UBASH3A: variants seen among roughly 807,000 people sequenced by gnomAD.
The protein encoded by UBASH3A is ubiquitin associated and SH3 domain containing A.
Under a neutral mutation model 73.5 loss-of-function variants are expected in UBASH3A, and 63 were observed. The ratio of observed to expected loss-of-function variants is 0.86; its 90% CI spans 0.70 to 1.06. The LOEUF is 1.06. UBASH3A is among the 50% of genes least tolerant of loss of function. The pLI is 0.00. For missense variants in UBASH3A, 860 were observed against 859.0 expected (o/e 1.00, Z -0.02); for synonymous variants, 363 against 351.1 (o/e 1.03, Z -0.38).
chr21:42,407,983 A>G (rs1476721253), intron 2 of UBASH3A, among the ~76,000 whole-genome samples: 1 of 152,260 alleles, frequency 6.6e-6, no homozygotes, highest in Non-Finnish European at 1.5e-5. Context: ...TTGAAAAGAC[A>G]TGGTAGAGGA....
chr21:42,420,638 A>T (rs1276766206), intron 7 of UBASH3A, among the ~76,000 whole-genome samples: 1 of 152,186 alleles, frequency 6.6e-6, no homozygotes, highest in African/African-American at 2.4e-5. Flanking sequence ...GAGCCTACTT[A>T]GGCTGAAAAC....
chr21:42,433,250 C>T lies in UBASH3A; in HGVS notation c.1270+1048C>T, dbSNP rs889821514. Among the ~76,000 whole-genome samples the T allele has an allele frequency of 3.3e-5, 5 of 152,310 alleles. No individual in the cohort carries two copies. The South Asian group carries it at 8.3e-4, about 25-fold the overall frequency. On this transcript the variant is annotated intron_variant, in intron 9 of 14. Transcript: ENST00000319294. ...AGGCCCTTGATAAAGTGAAGAATTA[C>T]ATCTAGTTTGTCTGAATTTTGTATA... is the stretch of plus-strand genomic sequence containing the variant.
intron 7 of UBASH3A, among the ~76,000 whole-genome samples, chr21:42,422,188 AT>A (rs1384732730): frequency 9.2e-5 from 14 of 152,332 alleles, no homozygotes; most frequent in African/African-American, 3.4e-4. Context: ...TCTTGAGGCC[AT>A]TTAACTTCTT....
rs115006049 is a variant in UBASH3A at position 42,440,524 on chromosome 21, G to A, written c.1487-1928G>A. 9.5e-4 allele frequency among the ~76,000 whole-genome samples: 145 copies of A among 152,294 alleles called. 1 individual carries two copies. Among genetic ancestry groups the A allele is most frequent in the African/African-American group, 2.9e-3 (122 of 41,558 alleles). ...TCAGTTTCCCCTCTTCTCCCCTGTCGCTGGTCTTTGCACCCCACCACTCAA... is the reference window on the plus strand; with the variant it reads ...TCAGTTTCCCCTCTTCTCCCCTGTCACTGGTCTTTGCACCCCACCACTCAA... On this transcript the variant is annotated intron_variant, in intron 11 of 14. Coordinates refer to ENST00000319294, the MANE Select transcript of UBASH3A (RefSeq NM_018961.4).
intron 3 of UBASH3A, among the ~76,000 whole-genome samples, chr21:42,411,828 A>G (rs1037911478): frequency 2.0e-5 from 3 of 152,250 alleles, no homozygotes; most frequent in Non-Finnish European, 2.9e-5. Flanking sequence ...ATCTGAGGCC[A>G]AGAAACACAA....
At chr21:42,417,419 C>CAAAAAAAAAA (rs71190423) in intron 6 of UBASH3A, 3 of 74,308 alleles carry the variant, frequency 4.0e-5, no homozygotes, top group African/African-American at 1.1e-4. Flanking sequence ...GCGAGACTGG[C>CAAAAAAAAAA]AAAAAAAAAA....
At chr21:42,440,993 G>A (rs1048357410) in intron 11 of UBASH3A, among the ~76,000 whole-genome samples, 1 of 152,082 alleles carries the variant, frequency 6.6e-6, no homozygotes, top group African/African-American at 2.4e-5. Flanking sequence ...TTTCAAAAAT[G>A]TCTTTTGCCA....
intron 2 of UBASH3A, 93 bp from the exon 3 acceptor site, chr21:42,409,329 C>T (rs1372373546): frequency 1.6e-6 from 2 of 1,284,846 alleles, no homozygotes; most frequent in Non-Finnish European, 2.1e-6. Flanking sequence ...TATAATTCTG[C>T]ATTGCTGTCA....
chr21:42,434,149 C>T (rs979580275), intron 9 of UBASH3A, among the ~76,000 whole-genome samples: 1 of 152,160 alleles, frequency 6.6e-6, no homozygotes, highest in African/African-American at 2.4e-5. Context: ...TGGGTGTTAC[C>T]TCACTGACAC....
At chr21:42,445,601 C>T (rs1186758102) in intron 14 of UBASH3A, among the ~76,000 whole-genome samples, 1 of 152,242 alleles carries the variant, frequency 6.6e-6, no homozygotes, top group Non-Finnish European at 1.5e-5. Context: ...GCTACGCCTG[C>T]CTCAGCAGCC....
At chr21:42,432,695 T>C (rs767048650) in intron 9 of UBASH3A, among the ~76,000 whole-genome samples, 1 of 152,218 alleles carries the variant, frequency 6.6e-6, no homozygotes, top group Non-Finnish European at 1.5e-5. Flanking sequence ...AATTCACAGT[T>C]GCTAGGTTAG....
At chr21:42,439,252 T>C (rs544316854) in intron 11 of UBASH3A, among the ~76,000 whole-genome samples, 2 of 152,278 alleles carry the variant, frequency 1.3e-5, no homozygotes, top group East Asian at 1.9e-4. Context: ...GCATGGAGCA[T>C]CCACGATCCA....
chr21:42,425,893 T>C (rs1012533352), intron 7 of UBASH3A, among the ~76,000 whole-genome samples: 1 of 152,090 alleles, frequency 6.6e-6, no homozygotes, highest in Non-Finnish European at 1.5e-5. Flanking sequence ...TGGTGGTGTG[T>C]CAGTTCCTCC....
intron 7 of UBASH3A, among the ~76,000 whole-genome samples, 186 bp downstream of exon 7, chr21:42,418,795 A>G (rs2053275417): frequency 6.6e-6 from 1 of 152,224 alleles, no homozygotes; most frequent in South Asian, 2.1e-4. Context: ...TCTGATGATA[A>G]CATTCAAAAA....
intron 11 of UBASH3A, among the ~76,000 whole-genome samples, chr21:42,439,849 AACAC>A (rs1323263329): frequency 7.2e-6 from 1 of 139,328 alleles, no homozygotes; most frequent in Non-Finnish European, 1.5e-5. Flanking sequence ...CACAACACAC[AACAC>A]ACACACCACA....
At chr21:42,440,330 T>C (rs2053719238) in intron 11 of UBASH3A, among the ~76,000 whole-genome samples, 1 of 152,208 alleles carries the variant, frequency 6.6e-6, no homozygotes, top group South Asian at 2.1e-4. Flanking sequence ...AGTGTGAGGG[T>C]GGCTCTTAAT....
chr21:42,409,854 G>A (rs2053054765), intron 3 of UBASH3A, among the ~76,000 whole-genome samples: 1 of 152,104 alleles, frequency 6.6e-6, no homozygotes, highest in Non-Finnish European at 1.5e-5. Flanking sequence ...CAGCTCCCCA[G>A]GCAAAAGGAG....
chr21:42,443,415 G>A lies in UBASH3A; in HGVS notation c.1735G>A (p.Asp579Asn). 1 of 1,602,786 alleles carries A rather than the reference G, an allele frequency of 6.2e-7. No homozygotes were observed. The highest frequency in any genetic ancestry group is 8.5e-7 in the Non-Finnish European group (1 of 1,174,550). ...GCAAATCGTCAACACCTGTCCACAGGACAGTAAGTGCCTCACCATCCTCAG... is the reference window on the plus strand; with the variant it reads ...GCAAATCGTCAACACCTGTCCACAGAACAGTAAGTGCCTCACCATCCTCAG... ...MVQIVNTCPQ[D>N]TGVILIVSHG... Residue 579 changes from aspartate to asparagine, a missense_variant, in exon 13 of 15, where the codon GAC becomes AAC. Asp to Asn is a conservative substitution (Grantham distance 23). Coordinates refer to ENST00000319294, the MANE Select transcript of UBASH3A (RefSeq NM_018961.4).
intron 7 of UBASH3A, among the ~76,000 whole-genome samples, chr21:42,420,292 A>G (rs1382598024): frequency 1.3e-5 from 2 of 152,204 alleles, no homozygotes; most frequent in African/African-American, 4.8e-5. Flanking sequence ...TCTCTAGATT[A>G]CTTGTGATAT....
Sources: gnomAD v4.1 joint callset for allele counts (sites outside exome capture counted in the v4.1 genomes callset) on GRCh38, gnomAD v4.1.1 for gene constraint, MANE v1.5 for transcripts, NCBI Gene and HGNC (gene_info 2026-07-23, HGNC 2026-07-21) for gene names.